The following RAG2 variants were observed in gnomAD, a reference collection of about 807,000 sequenced individuals.
RAG2 encodes the protein recombination activating 2.
RAG2 carries 16 observed loss-of-function variants against 31.8 expected under a neutral mutation model. The ratio of observed to expected loss-of-function variants is 0.50; its 90% CI spans 0.34 to 0.76. RAG2 has a LOEUF of 0.76. Among genes scored for constraint, RAG2 ranks in the 30% least tolerant of loss-of-function variants. RAG2 has a pLI of 0.01. For synonymous variants in RAG2, 199 were observed against 215.9 expected, an observed-to-expected ratio of 0.92 and a Z score of 0.68; for missense variants, 622 against 628.5, an observed-to-expected ratio of 0.99 and a Z score of 0.11.
At position 36,593,926 on chromosome 11, in the gene RAG2, T is replaced by C; in HGVS notation, c.243A>G (p.Lys81=). 1 of 1,614,228 alleles carries C rather than the reference T, an allele frequency of 6.2e-7. No homozygotes were observed. The highest frequency in any genetic ancestry group is 1.1e-5 in the South Asian group (1 of 91,080). The change falls in exon 2 of 2, where the codon AAA becomes AAG. Residue 81 remains lysine, a synonymous_variant. Transcript: ENST00000311485. ...GATGCTTTTCAGACTCCAAGCTGCC[T>C]TTGAATGTGCAAGTGGCTGGGTAGC... The part of the protein sequence containing the change: ...PLRYPATCTF[K]GSLESEKHQY...
At chr11:36,594,567 T>C (rs1365387387) in intron 1 of RAG2, 3 of 221,528 alleles carry the variant, frequency 1.4e-5, no homozygotes, top group East Asian at 1.1e-4. Context: ...TCCTGGAATG[T>C]GTCTGTGAAT....
chr11:36,597,641 A>G (rs1452885624), intron 1 of RAG2: 2 of 152,160 alleles, frequency 1.3e-5, no homozygotes, highest in Admixed American at 6.5e-5. Flanking sequence ...TTCTTTTCCA[A>G]AGAAAGATAC....
At chr11:36,596,995 CT>C in intron 1 of RAG2, among the ~76,000 whole-genome samples, 1 of 152,092 alleles carries the variant, frequency 6.6e-6, no homozygotes, top group East Asian at 1.9e-4. Flanking sequence ...TGATGCTCTG[CT>C]TTTGGCTCAT....
At position 36,593,968 on chromosome 11, in the gene RAG2, G is replaced by C; in HGVS notation, c.201C>G (p.Cys67Trp). Residue 67 changes from cysteine to tryptophan, a missense_variant, in exon 2 of 2, where the codon TGC (cysteine) becomes TGG (tryptophan). By Grantham distance (215) the Cys-to-Trp change is radical. Coordinates refer to ENST00000311485, the MANE Select transcript of RAG2 (RefSeq NM_000536.4). ...CTGGGTAGCGAAGAGGAGGGAGGTA[G>C]CAGGAATCCTTAGAGAAAATTGTAG... ...LKPTIFSKDS[C>W]YLPPLRYPAT... 6.2e-7 allele frequency: 1 copy of C among 1,614,214 alleles called. No homozygotes were observed. The highest frequency in any genetic ancestry group is 8.5e-7 in the Non-Finnish European group (1 of 1,180,040).
At chr11:36,594,332 A>G (rs553405914) in intron 1 of RAG2, 137 bp from the exon 2 acceptor site, 2 of 662,636 alleles carry the variant, frequency 3.0e-6, no homozygotes, top group Admixed American at 4.8e-5. Flanking sequence ...AAATCCAAGG[A>G]GTTAGGTCAG....
In RAG2 at chr11:36,592,710, C is replaced by A; in HGVS notation, c.1459G>T (p.Ala487Ser). ...YCNEHVEIAR[A>S]LHTPQRVLPL... ...AGGACTCTTTGGGGAGTGTGTAGAG[C>A]TCTTGCTATCTCCACATGCTCATTG... The change falls in exon 2 of 2, where the codon GCT becomes TCT. Residue 487 changes from alanine to serine, a missense_variant. Ala to Ser is a moderately conservative substitution (Grantham distance 99). Coordinates refer to ENST00000311485, the MANE Select transcript of RAG2 (RefSeq NM_000536.4). The A allele has an allele frequency of 6.2e-7, 1 of 1,613,980 alleles. No individual in the cohort carries two copies. The highest frequency in any genetic ancestry group is 1.7e-5 in the Admixed American group (1 of 60,006).
chr11:36,593,158 T>A lies in RAG2; in HGVS notation c.1011A>T (p.Gln337His). 6.2e-7 allele frequency: 1 copy of A among 1,614,184 alleles called. No individual in the cohort carries two copies. The highest frequency in any genetic ancestry group is 8.5e-7 in the Non-Finnish European group (1 of 1,180,034). ...AGAAATAGAATCCTTCTGAAACAAC[T>A]TGTTTATTGTCTCCTGGTATGCCAA... ...VFLGIPGDNK[Q>H]VVSEGFYFYM... Residue 337 changes from glutamine (Q) to histidine (H), a missense_variant, in exon 2 of 2, where the codon CAA becomes CAT. Physicochemically the swap from Gln to His is conservative, Grantham distance 24. Transcript: ENST00000311485.
chr11:36,593,195 C>G lies in RAG2; in HGVS notation c.974G>C (p.Gly325Ala). The G allele has an allele frequency of 1.2e-6, 2 of 1,614,144 alleles. No homozygotes were observed. The highest frequency in any genetic ancestry group is 1.7e-6 in the Non-Finnish European group (2 of 1,180,038). Residue 325 changes from glycine (G) to alanine (A), a missense_variant, in exon 2 of 2, where the codon GGA becomes GCA. Gly to Ala is a moderately conservative substitution (Grantham distance 60). Transcript: ENST00000311485. ...TCCTGGTATGCCAAGAAAAACAGTTCCATTTCCCATGTTGCTTCCAAACCA... is the reference window on the plus strand; with the variant it reads ...TCCTGGTATGCCAAGAAAAACAGTTGCATTTCCCATGTTGCTTCCAAACCA... The part of the protein sequence containing the change: ...KIWFGSNMGN[G>A]TVFLGIPGDN...
Position 36,595,789 on chromosome 11 carries a change from A to T in RAG2, c.-27-1594T>A, listed in dbSNP as rs140146300. On this transcript the variant is annotated intron_variant, in intron 1 of 1. Coordinates refer to ENST00000311485, the MANE Select transcript of RAG2 (RefSeq NM_000536.4). ...GATTATTTTAAAATTTACCAAAAAT[A>T]AGGTCTAGTGCATACGCACCTGCCA... Among the ~76,000 whole-genome samples the T allele has an allele frequency of 6.2e-4, 95 of 152,384 alleles. 1 individual carries two copies. In the East Asian group the frequency reaches 0.016, roughly 25 times the overall value.
At position 36,592,901 on chromosome 11, in the gene RAG2, C is replaced by T. The variant is rs768567592; in HGVS notation, c.1268G>A (p.Cys423Tyr). ...TACCCAAGTGTTGATATCCACATCA[C>T]AAGTAGGGCAGCATGTAATCCAGTA... ...TGYWITCCPT[C>Y]DVDINTWVPF... The change falls in exon 2 of 2, where the codon TGT becomes TAT. Residue 423 changes from cysteine (C) to tyrosine (Y), a missense_variant. Transcript: ENST00000311485. The T allele has an allele frequency of 1.2e-5, 19 of 1,614,022 alleles. No individual in the cohort carries two copies. The highest frequency in any genetic ancestry group is 1.5e-5 in the Non-Finnish European group (18 of 1,180,020).
Position 36,592,988 on chromosome 11 carries a change from T to C in RAG2, c.1181A>G (p.Asp394Gly), listed in dbSNP as rs1851057627. The C allele has an allele frequency of 6.2e-7, 1 of 1,614,060 alleles. No individual in the cohort carries two copies. The highest frequency in any genetic ancestry group is 1.3e-5 in the African/African-American group (1 of 74,936). ...FCFSAEANSFDGDDEFDTYNE... is the reference protein window; with the variant it reads ...FCFSAEANSFGGDDEFDTYNE... ...ATAGGTGTCAAATTCATCATCACCATCAAAACTATTTGCTTCTGCACTGAA... is the reference window on the plus strand; with the variant it reads ...ATAGGTGTCAAATTCATCATCACCACCAAAACTATTTGCTTCTGCACTGAA... The change falls in exon 2 of 2, where the codon GAT becomes GGT. Residue 394 changes from aspartate (D) to glycine (G), a missense_variant. Transcript: ENST00000311485.
chr11:36,593,387 G>T lies in RAG2; in HGVS notation c.782C>A (p.Ala261Glu). Residue 261 changes from alanine (A) to glutamate (E), a missense_variant, in exon 2 of 2, where the codon GCA becomes GAA. Physicochemically the swap from Ala to Glu is moderately radical, Grantham distance 107. Coordinates refer to ENST00000311485, the MANE Select transcript of RAG2 (RefSeq NM_000536.4). The stretch of plus-strand genomic sequence containing the variant: ...ATCATTGTTAGTTTGAGTCAGGATT[G>T]CACTGGAGACAGAGATTCCTCCTGG... ...VLPGGISVSS[A>E]ILTQTNNDEF... The T allele has an allele frequency of 6.2e-7, 1 of 1,614,076 alleles. No individual in the cohort carries two copies. Among genetic ancestry groups the T allele is most frequent in the Non-Finnish European group, 8.5e-7 (1 of 1,180,030 alleles).
In RAG2 at chr11:36,592,468, C is replaced by A; in HGVS notation, c.*117G>T. On this transcript the variant is annotated 3_prime_UTR_variant, in exon 2 of 2. Transcript: ENST00000311485. The stretch of plus-strand genomic sequence containing the variant: ...TTTTTCTGGCCCTTAATTCATGTAA[C>A]TAAAAGAAAACATAGGCATTTTAAA... 1 of 1,336,140 alleles carries A rather than the reference C, an allele frequency of 7.5e-7. No individual in the cohort carries two copies. Among genetic ancestry groups the A allele is most frequent in the Non-Finnish European group, 1.0e-6 (1 of 985,902 alleles). 82.8% of individuals were successfully genotyped at this position (1,336,140 alleles called of 1,614,324 possible).
In RAG2 at chr11:36,593,457, C is replaced by T. The variant is rs1186064601; in HGVS notation, c.712G>A (p.Val238Ile). Reference protein sequence around the residue: ...IRPANLYRIRVDLPLGSPAVN... With the variant: ...IRPANLYRIRIDLPLGSPAVN... ...GCTGGGCTACCCAGGGGAAGATCAA[C>T]CCTTATTCTGTACAGGTTGGCAGGC... Residue 238 changes from valine to isoleucine, a missense_variant, in exon 2 of 2, where the codon GTT (valine) becomes ATT (isoleucine). Transcript: ENST00000311485. 5 of 1,614,010 alleles carry T rather than the reference C, an allele frequency of 3.1e-6. No individual in the cohort carries two copies. Among genetic ancestry groups the T allele is most frequent in the Middle Eastern group, 1.6e-4 (1 of 6,062 alleles).
chr11:36,594,118 T>A lies in RAG2; in HGVS notation c.51A>T (p.Pro17=). 1.9e-6 allele frequency: 3 copies of A among 1,614,152 alleles called. No homozygotes were observed. Among genetic ancestry groups the A allele is most frequent in the Non-Finnish European group, 2.5e-6 (3 of 1,179,976 alleles). The change falls in exon 2 of 2, where the codon CCA becomes CCT. Residue 17 remains proline, a synonymous_variant. Transcript: ENST00000311485. ...CATCAAAATTCATCAGTGAGAAGCC[T>A]GGCTGAATTAAGGCTATGTTATTAC... ...TVSNNIALIQ[P]GFSLMNFDGQ... is the part of the protein sequence containing the mutation.
intron 1 of RAG2, chr11:36,594,431 G>C: frequency 1.9e-6 from 1 of 513,476 alleles, no homozygotes; most frequent in East Asian, 3.4e-5. Context: ...GGATTTCTGG[G>C]AATTGTAGTC....
Position 36,593,705 on chromosome 11 carries a change from A to G in RAG2, c.464T>C (p.Leu155Pro), listed in dbSNP as rs1064793250. ...VYSRGKSMGV[L>P]FGGRSYMPST... is the part of the protein sequence containing the mutation. The stretch of plus-strand genomic sequence containing the variant: ...AGGCATGTATGAGCGTCCTCCAAAG[A>G]GAACACCCATACTTTTCCCTCGGCT... The change falls in exon 2 of 2, where the codon CTC becomes CCC. Residue 155 changes from leucine to proline, a missense_variant. By Grantham distance (98) the Leu-to-Pro change is moderately conservative (BLOSUM62 -3). Transcript: ENST00000311485. 2 of 1,614,088 alleles carry G rather than the reference A, an allele frequency of 1.2e-6. No individual in the cohort carries two copies. Among genetic ancestry groups the G allele is most frequent in the Admixed American group, 3.3e-5 (2 of 60,012 alleles).
intron 1 of RAG2, among the ~76,000 whole-genome samples, chr11:36,595,586 C>T (rs1285135695): frequency 6.6e-6 from 1 of 152,236 alleles, no homozygotes; most frequent in Admixed American, 6.5e-5. Flanking sequence ...AATCCTGGCT[C>T]TGCCACTAAC....
rs1851056904 is a variant in RAG2 at position 36,592,973 on chromosome 11, A to G, written c.1196T>C (p.Phe399Ser). Reference sequence around the variant, plus strand: ...TTCATCATCTTCATTATAGGTGTCAAATTCATCATCACCATCAAAACTATT... The same window carrying G: ...TTCATCATCTTCATTATAGGTGTCAGATTCATCATCACCATCAAAACTATT... Reference protein sequence around the residue: ...EANSFDGDDEFDTYNEDDEED... With the variant: ...EANSFDGDDESDTYNEDDEED... The change falls in exon 2 of 2, where the codon TTT becomes TCT. Residue 399 changes from phenylalanine (F) to serine (S), a missense_variant. Coordinates refer to ENST00000311485, the MANE Select transcript of RAG2 (RefSeq NM_000536.4). The G allele has an allele frequency of 6.2e-7, 1 of 1,614,150 alleles. No homozygotes were observed. The highest frequency in any genetic ancestry group is 1.1e-5 in the South Asian group (1 of 91,084).
Sources: allele counts gnomAD v4.1 joint callset (sites outside exome capture counted in the v4.1 genomes callset), GRCh38; gene constraint gnomAD v4.1.1; transcripts MANE v1.5; gene names NCBI Gene and HGNC (gene_info 2026-07-23, HGNC 2026-07-21).